Variants in LARGE1 observed in about 807,000 individuals in gnomAD.
LARGE1 encodes the protein LARGE xylosyl- and glucuronyltransferase 1, also known as xylosyl- and glucuronyltransferase LARGE1.
Under a neutral mutation model 87.6 loss-of-function variants are expected in LARGE1, and 43 were observed. That is an observed-to-expected ratio of 0.49 (90% confidence interval 0.38 to 0.63). LARGE1 has a LOEUF of 0.63. Ranked by LOEUF, LARGE1 falls within the 30% of genes least tolerant of loss-of-function variation. The pLI is 0.00. For missense variants in LARGE1, 802 were observed against 1,000.2 expected, an observed-to-expected ratio of 0.80 and a Z score of 2.67; for synonymous variants, 434 against 394.6, an observed-to-expected ratio of 1.10 and a Z score of -1.18.
chr22:33,586,588 G>C lies in LARGE1; in HGVS notation c.615+17847C>G, dbSNP rs191053532. The stretch of plus-strand genomic sequence containing the variant: ...TTCTCCTGCCTCAGCCTCCCAAGTA[G>C]CTGGGACTACAGGCGCCCACCACCA... On this transcript the variant is annotated intron_variant, in intron 5 of 14. Coordinates refer to ENST00000397394, the MANE Select transcript of LARGE1 (RefSeq NM_133642.5). 7.3e-3 allele frequency among the ~76,000 whole-genome samples: 1,115 copies of C among 151,940 alleles called. 9 individuals are homozygous for C. The highest frequency in any genetic ancestry group is 0.025 in the African/African-American group (1,045 of 41,426).
intron 11 of LARGE1, among the ~76,000 whole-genome samples, chr22:33,226,950 C>T (rs1326710280): frequency 1.3e-5 from 2 of 152,158 alleles, no homozygotes; most frequent in African/African-American, 4.8e-5. Context: ...AAGATGGTCT[C>T]GATCTCCTGA....
intron 13 of LARGE1, among the ~76,000 whole-genome samples, chr22:33,279,808 C>G (rs1930078544): frequency 6.6e-6 from 1 of 152,202 alleles, no homozygotes. Context: ...AATGGGCAGT[C>G]TTAACACCTG....
At chr22:33,335,407 G>C (rs1209668279) in intron 10 of LARGE1, among the ~76,000 whole-genome samples, 1 of 152,134 alleles carries the variant, frequency 6.6e-6, no homozygotes, top group Non-Finnish European at 1.5e-5. Flanking sequence ...CTGTGACTTG[G>C]GGACCCAGTC....
chr22:33,392,183 G>A (rs1007640106), intron 7 of LARGE1, among the ~76,000 whole-genome samples: 3 of 151,290 alleles, frequency 2.0e-5, no homozygotes, highest in African/African-American at 7.3e-5. Flanking sequence ...ATCCCAGAAG[G>A]GGAAGGAAAA....
rs547175986 is a variant in LARGE1 at position 33,281,170 on chromosome 22, C to T, written c.1877+2032G>A. ...AAGCTGCTGGCCAGAGCAGCAATCA[C>T]GGACACAGCAGGCCACACCCCAGCT... On this transcript the variant is annotated intron_variant, in intron 13 of 14. Transcript: ENST00000397394. Among the ~76,000 whole-genome samples, 8 of 152,218 alleles carry T rather than the reference C, an allele frequency of 5.3e-5. No individual in the cohort carries two copies. The South Asian group carries it at 1.0e-3, about 20-fold the overall frequency.
intron 2 of LARGE1, among the ~76,000 whole-genome samples, chr22:33,722,891 G>A (rs1276186601): frequency 1.3e-5 from 2 of 152,160 alleles, no homozygotes; most frequent in Admixed American, 6.5e-5. Context: ...TCGCAAGTGG[G>A]AGTTGAGGTC....
At chr22:33,125,432 C>G in the LARGE1 span, among the ~76,000 whole-genome samples, 2 of 148,548 alleles carry the variant, frequency 1.3e-5, no homozygotes, top group African/African-American at 5.0e-5. Context: ...AAGACGAGTA[C>G]ACATCCTGCT....
chr22:33,188,347 C>T (rs1325587058), intron 11 of LARGE1, among the ~76,000 whole-genome samples: 5 of 152,016 alleles, frequency 3.3e-5, no homozygotes, highest in Admixed American at 6.6e-5. Context: ...CATTTTGAAC[C>T]GGGTCAATTC....
intron 7 of LARGE1, among the ~76,000 whole-genome samples, chr22:33,419,496 T>C (rs1424575621): frequency 6.6e-6 from 1 of 152,130 alleles, no homozygotes; most frequent in African/African-American, 2.4e-5. Context: ...GGGATGCTCA[T>C]TCCAGCTCTC....
At chr22:33,305,844 CTTT>C (rs111657762) in intron 11 of LARGE1, among the ~76,000 whole-genome samples, 1 of 136,900 alleles carries the variant, frequency 7.3e-6, no homozygotes. Flanking sequence ...TTTTCTTTTT[CTTT>C]TTTTTTTTTT....
intron 3 of LARGE1, among the ~76,000 whole-genome samples, chr22:33,634,764 G>A (rs2080218285): frequency 6.6e-6 from 1 of 152,090 alleles, no homozygotes; most frequent in African/African-American, 2.4e-5. Flanking sequence ...AGACAGACCT[G>A]ACAGCAATAA....
intron 1 of LARGE1, among the ~76,000 whole-genome samples, chr22:33,891,242 C>T (rs989458820): frequency 6.6e-6 from 1 of 152,194 alleles, no homozygotes; most frequent in African/African-American, 2.4e-5. Flanking sequence ...TAAAAATTTC[C>T]AATATCTCCA....
At position 33,861,811 on chromosome 22, in the gene LARGE1, A is replaced by G. The variant is rs569386147; in HGVS notation, c.-83+58184T>C. ...CTAGAAAAGGGCAGGGAAGGTGACC[A>G]TTCCTATGTCCTCAGTAGAAGAAAA... On this transcript the variant is annotated intron_variant, in intron 1 of 14. Coordinates refer to ENST00000397394, the MANE Select transcript of LARGE1 (RefSeq NM_133642.5). Among the ~76,000 whole-genome samples the G allele has an allele frequency of 1.3e-5, 2 of 150,722 alleles. 1 individual carries two copies. The highest frequency in any genetic ancestry group is 4.9e-5 in the African/African-American group (2 of 40,870).
At chr22:33,785,874 C>T (rs2145941231) in intron 1 of LARGE1, among the ~76,000 whole-genome samples, 1 of 152,164 alleles carries the variant, frequency 6.6e-6, no homozygotes, top group Admixed American at 6.5e-5. Flanking sequence ...CTAATTTGTG[C>T]ACTATTTCTG....
intron 6 of LARGE1, among the ~76,000 whole-genome samples, chr22:33,557,767 A>G (rs1222142175): frequency 1.3e-5 from 2 of 152,076 alleles, no homozygotes; most frequent in African/African-American, 4.8e-5. Context: ...GGGTTTCGCC[A>G]TGTTTGCCAG....
At chr22:33,435,089 C>T (rs896517679) in intron 6 of LARGE1, among the ~76,000 whole-genome samples, 1 of 152,206 alleles carries the variant, frequency 6.6e-6, no homozygotes, top group African/African-American at 2.4e-5. Flanking sequence ...GCAACCTTCG[C>T]CTCCCGAGTT....
the LARGE1 span, among the ~76,000 whole-genome samples, chr22:33,068,928 G>C: frequency 8.1e-4 from 123 of 152,158 alleles, no homozygotes; most frequent in Non-Finnish European, 1.4e-3. Flanking sequence ...GCTGGGATCA[G>C]CATCAGAGCT....
chr22:33,473,375 A>G (rs2068936274), intron 6 of LARGE1, among the ~76,000 whole-genome samples: 1 of 151,420 alleles, frequency 6.6e-6, no homozygotes, highest in African/African-American at 2.4e-5. Flanking sequence ...TTTGAGACGA[A>G]GTCTCACTCT....
intron 7 of LARGE1, among the ~76,000 whole-genome samples, chr22:33,390,446 C>A (rs527779885): frequency 6.6e-6 from 1 of 152,298 alleles, no homozygotes; most frequent in South Asian, 2.1e-4. Flanking sequence ...TATCTTAGAA[C>A]ATTAGAACTA....
Sources: gnomAD v4.1 joint callset for allele counts (sites outside exome capture counted in the v4.1 genomes callset) on GRCh38, gnomAD v4.1.1 for gene constraint, MANE v1.5 for transcripts, NCBI Gene and HGNC (gene_info 2026-07-23, HGNC 2026-07-21) for gene names.